PTCHD4: variants seen among roughly 807,000 people sequenced by gnomAD.
The protein encoded by PTCHD4 is patched domain-containing protein 4.
A neutral mutation model predicts 58.1 loss-of-function variants in PTCHD4; 33 were observed. That is an observed-to-expected ratio of 0.57 (90% CI 0.43 to 0.76). The LOEUF is 0.76. Among genes scored for constraint, PTCHD4 ranks in the 30% least tolerant of loss-of-function variants. The pLI is 0.00. For synonymous variants in PTCHD4, 478 were observed against 409.6 expected (o/e 1.17, Z -2.02); for missense variants, 1,058 against 1,027.1 (o/e 1.03, Z -0.41).
chr6:47,991,409 A>AAAAC (rs1186786963), intron 4 of PTCHD4, among the ~76,000 whole-genome samples: 2 of 152,158 alleles, frequency 1.3e-5, no homozygotes. Context: ...CATTCTGAGT[A>AAAAC]AAACAAACAA....
intron 3 of PTCHD4, among the ~76,000 whole-genome samples, chr6:48,028,648 A>G (rs1451791291): frequency 6.6e-6 from 1 of 152,070 alleles, no homozygotes; most frequent in African/African-American, 2.4e-5. Context: ...CCTTTAAATA[A>G]TCTTCCTATA....
chr6:48,103,614 A>G (rs891849894), intron 1 of PTCHD4, among the ~76,000 whole-genome samples: 7 of 152,198 alleles, frequency 4.6e-5, no homozygotes, highest in African/African-American at 1.4e-4. Flanking sequence ...GACTTTGACG[A>G]GTTGAGAGAG....
chr6:47,950,332 C>T (rs905545979), intron 4 of PTCHD4, among the ~76,000 whole-genome samples: 1 of 152,078 alleles, frequency 6.6e-6, no homozygotes, highest in Admixed American at 6.6e-5. Flanking sequence ...GGGAGCAAGA[C>T]TCAGGACAGT....
At chr6:48,016,681 G>C (rs1331056200) in intron 3 of PTCHD4, among the ~76,000 whole-genome samples, 1 of 151,924 alleles carries the variant, frequency 6.6e-6, no homozygotes, top group East Asian at 1.9e-4. Context: ...TCAGGTTACT[G>C]TTCTGTAGCT....
At chr6:48,106,854 G>T (rs879293074) in intron 1 of PTCHD4, among the ~76,000 whole-genome samples, 1 of 152,078 alleles carries the variant, frequency 6.6e-6, no homozygotes, top group Non-Finnish European at 1.5e-5. Context: ...ATTCACAATT[G>T]CTTCAAAAGA....
chr6:47,991,046 A>ATGTT (rs934080984), intron 4 of PTCHD4, among the ~76,000 whole-genome samples: 1 of 150,794 alleles, frequency 6.6e-6, no homozygotes, highest in African/African-American at 2.4e-5. Flanking sequence ...ATTGTAATAT[A>ATGTT]TGTTTGATTG....
At position 47,858,285 on chromosome 6, in the gene PTCHD4, T is replaced by A. The variant is rs926683415; in HGVS notation, c.*20018A>T. Among the ~76,000 whole-genome samples, 1 of 152,040 alleles carries A rather than the reference T, an allele frequency of 6.6e-6. No individual in the cohort carries two copies. The highest frequency in any genetic ancestry group is 1.5e-5 in the Non-Finnish European group (1 of 67,960). On this transcript the variant is annotated 3_prime_UTR_variant, in exon 5 of 5. Coordinates refer to ENST00000339488, the MANE Select transcript of PTCHD4 (RefSeq NM_001384253.1). Reference sequence around the variant, plus strand: ...AAGAAGAAAATCTGATTTGAGTTTATCATATTCACCTTACTCCATTAATAA... The same window carrying A: ...AAGAAGAAAATCTGATTTGAGTTTAACATATTCACCTTACTCCATTAATAA...
intron 3 of PTCHD4, among the ~76,000 whole-genome samples, chr6:48,041,953 T>A (rs1303842142): frequency 6.6e-6 from 1 of 152,092 alleles, no homozygotes; most frequent in East Asian, 1.9e-4. Flanking sequence ...GCAAAATTTC[T>A]TTGCTGACTG....
At position 47,901,665 on chromosome 6, in the gene PTCHD4, G is replaced by A. The variant is rs1764709151; in HGVS notation, c.899-21729C>T. The A allele has an allele frequency of 2.1e-5, 24 of 1,145,898 alleles. No homozygotes were observed. In the South Asian group the frequency reaches 3.5e-4, roughly 17 times the overall value. 71.0% of individuals were successfully genotyped at this position (1,145,898 alleles called of 1,614,324 possible). ...GACACACAGCTGTTAAGCACAGGGA[G>A]GAAAGAAATACCTGGAGGATACTTA... On this transcript the variant is annotated intron_variant, in intron 4 of 4. Transcript: ENST00000339488.
intron 1 of PTCHD4, among the ~76,000 whole-genome samples, chr6:48,094,690 GATGGCCTAAGA>G (rs1765427243): frequency 6.6e-6 from 1 of 152,186 alleles, no homozygotes; most frequent in South Asian, 2.1e-4. Context: ...AAATGTGACT[GATGGCCTAAGA>G]ATATAAGGAA....
At position 47,869,964 on chromosome 6, in the gene PTCHD4, G is replaced by A. The variant is rs745953049; in HGVS notation, c.*8339C>T. Among the ~76,000 whole-genome samples, 1 of 151,470 alleles carries A rather than the reference G, an allele frequency of 6.6e-6. No individual in the cohort carries two copies. Among genetic ancestry groups the A allele is most frequent in the Admixed American group, 6.6e-5 (1 of 15,150 alleles). On this transcript the variant is annotated 3_prime_UTR_variant, in exon 5 of 5. Transcript: ENST00000339488. ...AATAAAGAATGAAGAAAAATCTGGC[G>A]AATTTAAGAATAACCTAGCTTTTAC... is the stretch of plus-strand genomic sequence containing the variant.
rs992414863 is a variant in PTCHD4, at chr6:47,868,110, TA to T, written c.*10192del. Among the ~76,000 whole-genome samples the T allele has an allele frequency of 3.3e-5, 5 of 151,522 alleles. No homozygotes were observed. Among genetic ancestry groups the T allele is most frequent in the East Asian group, 3.9e-4 (2 of 5,128 alleles). ...ACTAAGCTAATGAACAGAAACTAAATAAAAAAAAGGTTTCAGTTCAGTTGTT... is the reference window on the plus strand; with the variant it reads ...ACTAAGCTAATGAACAGAAACTAAATAAAAAAAGGTTTCAGTTCAGTTGTT... On this transcript the variant is annotated 3_prime_UTR_variant, in exon 5 of 5. Transcript: ENST00000339488.
intron 4 of PTCHD4, among the ~76,000 whole-genome samples, chr6:47,925,179 A>G (rs927454576): frequency 2.1e-5 from 3 of 145,986 alleles, no homozygotes; most frequent in Non-Finnish European, 3.0e-5. Context: ...TATATTATAT[A>G]TATGTGTGTG....
chr6:48,009,563 G>A (rs1197803953), intron 3 of PTCHD4, among the ~76,000 whole-genome samples: 1 of 152,088 alleles, frequency 6.6e-6, no homozygotes. Flanking sequence ...AATCTTTCTA[G>A]GGTTCATTCA....
In PTCHD4 at chr6:47,878,203, G is replaced by A; in HGVS notation, c.*100C>T. On this transcript the variant is annotated 3_prime_UTR_variant, in exon 5 of 5. Transcript: ENST00000339488. ...ATGCACTCTTGATCTGACTTGCCTT[G>A]TTACCCCTGGCCAGCCCAAGCAGCT... 9.4e-7 allele frequency: 1 copy of A among 1,064,444 alleles called. No homozygotes were observed. The highest frequency in any genetic ancestry group is 2.4e-5 in the East Asian group (1 of 41,814). The allele number at this position is 1,064,444 out of a possible 1,614,324, so 65.9% of individuals were successfully genotyped here.
chr6:47,972,671 C>T (rs1020669191), intron 4 of PTCHD4, among the ~76,000 whole-genome samples: 1 of 151,874 alleles, frequency 6.6e-6, no homozygotes, highest in African/African-American at 2.4e-5. Flanking sequence ...ATCAATCTAT[C>T]ACCTATCTTA....
At chr6:48,037,080 C>G (rs1763666252) in intron 3 of PTCHD4, among the ~76,000 whole-genome samples, 1 of 152,094 alleles carries the variant, frequency 6.6e-6, no homozygotes, top group South Asian at 2.1e-4. Flanking sequence ...TAGCCTAAGT[C>G]TCTGTCACAA....
At chr6:47,935,169 G>T (rs1043755059) in intron 4 of PTCHD4, among the ~76,000 whole-genome samples, 3 of 151,888 alleles carry the variant, frequency 2.0e-5, no homozygotes, top group Admixed American at 6.6e-5. Context: ...TCTTTATTTT[G>T]TTCTCACATA....
intron 4 of PTCHD4, chr6:47,901,783 T>G: frequency 8.0e-7 from 1 of 1,243,408 alleles, no homozygotes; most frequent in South Asian, 1.4e-5. Context: ...ATGATGACGA[T>G]GATGATGATT....
Sources: gnomAD v4.1 joint callset for allele counts (sites outside exome capture counted in the v4.1 genomes callset) on GRCh38, gnomAD v4.1.1 for gene constraint, MANE v1.5 for transcripts, NCBI Gene and HGNC (gene_info 2026-07-23, HGNC 2026-07-21) for gene names.